The following ASPH variants were observed in gnomAD, a reference collection of about 807,000 sequenced individuals.
The protein encoded by ASPH is aspartyl/asparaginyl beta-hydroxylase.
ASPH carries 100 observed loss-of-function variants against 118.4 expected under a neutral mutation model. That is an observed-to-expected ratio of 0.84 (90% confidence interval 0.72 to 1.00). The LOEUF (loss-of-function observed/expected upper bound fraction) is 1.00, where lower values mean the gene tolerates loss of function less well. ASPH is among the 50% of genes least tolerant of loss of function. The pLI is 0.00. For missense variants in ASPH, 920 were observed against 919.5 expected, an observed-to-expected ratio of 1.00 and a Z score of -0.01; for synonymous variants, 315 against 325.6, an observed-to-expected ratio of 0.97 and a Z score of 0.35.
At chr8:61,577,214 A>G (rs560364272) in intron 15 of ASPH, among the ~76,000 whole-genome samples, 1 of 151,986 alleles carries the variant, frequency 6.6e-6, no homozygotes, top group Non-Finnish European at 1.5e-5. Flanking sequence ...ATTAGGAGAT[A>G]TACCTAATGT....
chr8:61,620,736 AG>A (rs1160232504), intron 13 of ASPH, among the ~76,000 whole-genome samples: 1 of 152,240 alleles, frequency 6.6e-6, no homozygotes, highest in Admixed American at 6.5e-5. Flanking sequence ...CAGTACCTGC[AG>A]GAACACTGCA....
At chr8:61,682,520 G>C in intron 2 of ASPH, 1 of 1,565,048 alleles carries the variant, frequency 6.4e-7, no homozygotes, top group Non-Finnish European at 8.8e-7. Flanking sequence ...TGTTATTTGT[G>C]CTTAAAGGTA....
At chr8:61,676,970 C>T (rs988674080) in intron 3 of ASPH, among the ~76,000 whole-genome samples, 1 of 152,108 alleles carries the variant, frequency 6.6e-6, no homozygotes, top group Non-Finnish European at 1.5e-5. Flanking sequence ...AATTTTAACA[C>T]TATTAAATGT....
chr8:61,520,353 A>G (rs948645474), intron 22 of ASPH, among the ~76,000 whole-genome samples: 2 of 152,228 alleles, frequency 1.3e-5, no homozygotes, highest in African/African-American at 4.8e-5. Context: ...CAAGATTCCT[A>G]AAAGAGACTG....
chr8:61,579,586 GT>G, intron 15 of ASPH: 1 of 1,523,798 alleles, frequency 6.6e-7, no homozygotes, highest in East Asian at 2.2e-5. Context: ...AGCCGCACCA[GT>G]TCCTCCAGGG....
intron 14 of ASPH, chr8:61,606,907 C>A: frequency 5.2e-6 from 1 of 191,664 alleles, no homozygotes; most frequent in Non-Finnish European, 1.1e-5. Flanking sequence ...TCATCCTTGT[C>A]ATTAGACATA....
chr8:61,535,173 G>A (rs1364666606), intron 21 of ASPH, among the ~76,000 whole-genome samples: 3 of 152,178 alleles, frequency 2.0e-5, no homozygotes, highest in Admixed American at 1.3e-4. Context: ...GTCGTGGGGA[G>A]TAGAATTTCA....
intron 2 of ASPH, 111 bp downstream of exon 2, chr8:61,683,928 G>T: frequency 7.8e-7 from 1 of 1,283,736 alleles, no homozygotes; most frequent in Non-Finnish European, 1.1e-6. Context: ...GAGAACCACT[G>T]AAAGGCTATA....
intron 15 of ASPH, chr8:61,579,107 CG>C (rs1460053270): frequency 6.2e-7 from 1 of 1,609,384 alleles, no homozygotes; most frequent in Non-Finnish European, 8.5e-7. Flanking sequence ...CTGGGAAGCA[CG>C]GGGATGACCT....
chr8:61,639,342 G>A (rs1803962008), intron 10 of ASPH, among the ~76,000 whole-genome samples: 1 of 151,914 alleles, frequency 6.6e-6, no homozygotes. Flanking sequence ...ACTCCCGCCT[G>A]TCTTCAGACC....
intron 1 of ASPH, among the ~76,000 whole-genome samples, chr8:61,704,161 C>CTCCA (rs1425293730): frequency 3.8e-5 from 5 of 132,078 alleles, no homozygotes; most frequent in African/African-American, 1.4e-4. Context: ...CGCCACTGCA[C>CTCCA]TCCAGCCTGG....
chr8:61,675,851 A>G (rs1825008378), intron 3 of ASPH: 3 of 1,341,336 alleles, frequency 2.2e-6, no homozygotes, highest in Middle Eastern at 2.8e-4. Context: ...TTTGTAGCTG[A>G]CTACAAGAAT....
chr8:61,622,111 G>A (rs553153546), intron 13 of ASPH, among the ~76,000 whole-genome samples: 7 of 152,294 alleles, frequency 4.6e-5, no homozygotes, highest in East Asian at 1.9e-4. Context: ...AGGCCGAGGC[G>A]GGCAGATCAC....
chr8:61,505,338 T>C (rs528541184), intron 24 of ASPH, among the ~76,000 whole-genome samples: 1 of 152,014 alleles, frequency 6.6e-6, no homozygotes, highest in East Asian at 1.9e-4. Flanking sequence ...CCACTAAAAA[T>C]ACAAAAATTA....
At chr8:61,655,194 A>T (rs1813010656) in intron 3 of ASPH, among the ~76,000 whole-genome samples, 1 of 152,026 alleles carries the variant, frequency 6.6e-6, no homozygotes, top group African/African-American at 2.4e-5. Flanking sequence ...TGGTGTGACT[A>T]CTCTGCTAAG....
intron 14 of ASPH, among the ~76,000 whole-genome samples, chr8:61,612,737 T>A (rs1404668157): frequency 1.3e-5 from 2 of 152,150 alleles, no homozygotes; most frequent in African/African-American, 4.8e-5. Context: ...CATTTAATTA[T>A]AGGCACAGAA....
chr8:61,522,313 A>G (rs1264087183), intron 22 of ASPH, among the ~76,000 whole-genome samples: 1 of 152,188 alleles, frequency 6.6e-6, no homozygotes, highest in African/African-American at 2.4e-5. Context: ...TGAGTGGCTT[A>G]AACAACAGAA....
At chr8:61,678,094 T>C (rs904183555) in intron 3 of ASPH, among the ~76,000 whole-genome samples, 3 of 152,108 alleles carry the variant, frequency 2.0e-5, no homozygotes, top group East Asian at 1.9e-4. Context: ...AGCTCACTCA[T>C]GCATCTATCA....
intron 1 of ASPH, among the ~76,000 whole-genome samples, chr8:61,709,102 T>C (rs1465673316): frequency 6.6e-6 from 1 of 152,132 alleles, no homozygotes; most frequent in Non-Finnish European, 1.5e-5. Context: ...TAAACCAAAT[T>C]TGTCCTCAGC....
Sources: gnomAD v4.1 joint callset for allele counts (sites outside exome capture counted in the v4.1 genomes callset) on GRCh38, gnomAD v4.1.1 for gene constraint, MANE v1.5 for transcripts, NCBI Gene and HGNC (gene_info 2026-07-23, HGNC 2026-07-21) for gene names.